The following AEBP2 variants were observed in gnomAD, a reference collection of about 807,000 sequenced individuals.
AEBP2 encodes the protein zinc finger protein AEBP2.
In AEBP2, 10 loss-of-function variants were observed where a neutral mutation model predicts 50.8. That is an observed-to-expected ratio of 0.20 (90% CI 0.12 to 0.33). The LOEUF (loss-of-function observed/expected upper bound fraction) is 0.33. AEBP2 is among the 10% of genes least tolerant of loss of function. The pLI, the probability that AEBP2 is intolerant of heterozygous loss-of-function variation, is 1.00. For missense variants in AEBP2, 570 were observed against 688.0 expected, an observed-to-expected ratio of 0.83 and a Z score of 1.92; for synonymous variants, 296 against 261.3, an observed-to-expected ratio of 1.13 and a Z score of -1.28.
At chr12:19,415,584 A>G (rs530850847) in intron 1 of AEBP2, among the ~76,000 whole-genome samples, 122 of 151,418 alleles carry the variant, frequency 8.1e-4, no homozygotes, top group African/African-American at 2.9e-3. Context: ...TGTCAAAATG[A>G]AGGATACTCA....
At chr12:19,406,304 C>T (rs1446472358) in intron 1 of AEBP2, among the ~76,000 whole-genome samples, 1 of 152,150 alleles carries the variant, frequency 6.6e-6, no homozygotes, top group East Asian at 1.9e-4. Context: ...CCATAGTTTA[C>T]ATTAGGGCTC....
intron 1 of AEBP2, chr12:19,457,658 T>TA: frequency 2.2e-6 from 3 of 1,367,992 alleles, no homozygotes; most frequent in Non-Finnish European, 2.8e-6. Flanking sequence ...TTTTGGCTTT[T>TA]AGGGGTAGTT....
intron 1 of AEBP2, among the ~76,000 whole-genome samples, chr12:19,446,461 A>T (rs975923597): frequency 6.6e-5 from 10 of 152,290 alleles, no homozygotes; most frequent in African/African-American, 2.4e-4. Context: ...GGGACACGGT[A>T]GCTCACGCCT....
intron 1 of AEBP2, among the ~76,000 whole-genome samples, chr12:19,412,565 A>C (rs1481671900): frequency 6.6e-6 from 1 of 151,960 alleles, no homozygotes; most frequent in Non-Finnish European, 1.5e-5. Flanking sequence ...GGTGTGAGCC[A>C]CTGCACCCGG....
At chr12:19,422,385 A>C (rs2095746274) in intron 1 of AEBP2, among the ~76,000 whole-genome samples, 1 of 152,170 alleles carries the variant, frequency 6.6e-6, no homozygotes, top group African/African-American at 2.4e-5. Context: ...TATAGTTTGA[A>C]ATGCCCTAAT....
At chr12:19,456,332 T>A (rs746011936) in intron 1 of AEBP2, 1 of 1,419,422 alleles carries the variant, frequency 7.0e-7, no homozygotes, top group Non-Finnish European at 9.9e-7. Context: ...TGACATCCAC[T>A]GCAACTGTCT....
intron 5 of AEBP2, among the ~76,000 whole-genome samples, chr12:19,506,572 GTT>G (rs1949158285): frequency 6.6e-6 from 1 of 152,178 alleles, no homozygotes; most frequent in Non-Finnish European, 1.5e-5. Context: ...GCACTCTGAA[GTT>G]TTCTGGTGTA....
intron 1 of AEBP2, among the ~76,000 whole-genome samples, chr12:19,458,799 T>C (rs1948319362): frequency 6.6e-6 from 1 of 152,168 alleles, no homozygotes; most frequent in Non-Finnish European, 1.5e-5. Context: ...AGGTACAGCA[T>C]GGTTAAAATG....
At chr12:19,418,502 A>AT (rs2095743850) in intron 1 of AEBP2, among the ~76,000 whole-genome samples, 1 of 149,236 alleles carries the variant, frequency 6.7e-6, no homozygotes, top group East Asian at 2.0e-4. Flanking sequence ...ATATGCTGAG[A>AT]TTACTGGCGT....
chr12:19,477,862 G>A (rs191603380), intron 3 of AEBP2, among the ~76,000 whole-genome samples: 8 of 152,262 alleles, frequency 5.3e-5, no homozygotes, highest in South Asian at 2.1e-4. Flanking sequence ...ATTGGCACCA[G>A]TTTTTCTTTG....
chr12:19,453,583 C>G (rs986165238), intron 1 of AEBP2, among the ~76,000 whole-genome samples: 1 of 151,936 alleles, frequency 6.6e-6, no homozygotes, highest in Non-Finnish European at 1.5e-5. Flanking sequence ...GACACCATGC[C>G]CAGCTAATTT....
chr12:19,473,385 ATTT>A (rs1555184660), intron 3 of AEBP2, 30 bp downstream of exon 3: 1 of 483,832 alleles, frequency 2.1e-6, no homozygotes, highest in Non-Finnish European at 2.8e-6. Context: ...AAATTTATTT[ATTT>A]ATTTATTTAT....
chr12:19,415,521 G>A (rs1383902649), intron 1 of AEBP2, among the ~76,000 whole-genome samples: 2 of 150,982 alleles, frequency 1.3e-5, no homozygotes, highest in African/African-American at 4.9e-5. Context: ...GGTTTTTACT[G>A]TTAAAAAGTG....
chr12:19,424,513 C>T (rs949854214), intron 1 of AEBP2, among the ~76,000 whole-genome samples: 3 of 151,986 alleles, frequency 2.0e-5, no homozygotes, highest in Non-Finnish European at 4.4e-5. Context: ...TCTCCTGCCT[C>T]AGCCTCCTGA....
At chr12:19,513,388 T>A (rs1295279435) in intron 6 of AEBP2, among the ~76,000 whole-genome samples, 2 of 152,310 alleles carry the variant, frequency 1.3e-5, no homozygotes, top group Admixed American at 1.3e-4. Context: ...TATAGACATA[T>A]TGGACAAAAT....
intron 3 of AEBP2, among the ~76,000 whole-genome samples, chr12:19,481,091 C>CTTTTTT: frequency 9.5e-6 from 1 of 104,812 alleles, no homozygotes; most frequent in African/African-American, 3.5e-5. Flanking sequence ...TGCAGTGCAT[C>CTTTTTT]CTTTTTTTTT....
intron 3 of AEBP2, among the ~76,000 whole-genome samples, chr12:19,475,121 A>G (rs929521619): frequency 5.3e-5 from 8 of 152,066 alleles, no homozygotes; most frequent in East Asian, 1.9e-4. Context: ...TTTTGGTTAC[A>G]TTGGATAAAT....
chr12:19,462,478 G>C, intron 1 of AEBP2, 32 bp from the exon 2 acceptor site: 1 of 1,532,602 alleles, frequency 6.5e-7, no homozygotes, highest in South Asian at 1.2e-5. Flanking sequence ...TGAATTTCTA[G>C]GAATAACACA....
chr12:19,508,221 C>A (rs936244793), intron 5 of AEBP2, among the ~76,000 whole-genome samples: 21 of 152,022 alleles, frequency 1.4e-4, no homozygotes, highest in Non-Finnish European at 2.9e-4. Flanking sequence ...TTTAAAAAAA[C>A]CATATTTTAA....
Sources: allele counts gnomAD v4.1 joint callset (sites outside exome capture counted in the v4.1 genomes callset), GRCh38; gene constraint gnomAD v4.1.1; transcripts MANE v1.5; gene names NCBI Gene and HGNC (gene_info 2026-07-23, HGNC 2026-07-21).